GARIN5A: variants seen among roughly 807,000 people sequenced by gnomAD.
GARIN5A encodes the protein golgi associated RAB2 interactor 5A.
chr19:50,472,200 ATG>A, the GARIN5A span, among the ~76,000 whole-genome samples: 1 of 149,642 alleles, frequency 6.7e-6, no homozygotes, highest in South Asian at 2.1e-4. Flanking sequence ...GTATGTGTGC[ATG>A]TATATACATG....
chr19:50,469,833 T>A, the GARIN5A span, among the ~76,000 whole-genome samples: 1 of 152,160 alleles, frequency 6.6e-6, no homozygotes, highest in Non-Finnish European at 1.5e-5. Flanking sequence ...GGATGTCCCC[T>A]GCCACACCGC....
the GARIN5A span, among the ~76,000 whole-genome samples, chr19:50,473,332 C>T: frequency 6.6e-6 from 1 of 152,044 alleles, no homozygotes; most frequent in Non-Finnish European, 1.5e-5. Flanking sequence ...TCCCTTTCTT[C>T]TTTTCTCTGT....
chr19:50,467,779 C>T, the GARIN5A span: 5 of 1,612,592 alleles, frequency 3.1e-6, no homozygotes, highest in Non-Finnish European at 4.2e-6. Context: ...CTCGAGCTGA[C>T]ACCGGCTTTT....
the GARIN5A span, among the ~76,000 whole-genome samples, chr19:50,467,356 T>G: frequency 2.0e-5 from 3 of 151,962 alleles, no homozygotes; most frequent in African/African-American, 7.3e-5. Flanking sequence ...CCCATATCCC[T>G]GGGTCACCTC....
chr19:50,472,142 G>GTGTGTATA, the GARIN5A span, among the ~76,000 whole-genome samples: 52 of 109,370 alleles, frequency 4.8e-4, no homozygotes, highest in South Asian at 1.6e-3. Context: ...GTATATGTAT[G>GTGTGTATA]TATACGTGTG....
the GARIN5A span, chr19:50,476,234 A>G: frequency 1.9e-6 from 3 of 1,613,330 alleles, no homozygotes; most frequent in Non-Finnish European, 2.5e-6. Flanking sequence ...CGGACGGAGG[A>G]GCAGAGGGAG....
the GARIN5A span, among the ~76,000 whole-genome samples, chr19:50,472,016 G>A: frequency 6.7e-6 from 1 of 148,156 alleles, no homozygotes; most frequent in African/African-American, 2.6e-5. Context: ...ATATATACGT[G>A]TGTATATGTA....
the GARIN5A span, among the ~76,000 whole-genome samples, chr19:50,473,785 G>A: frequency 2.0e-5 from 3 of 152,100 alleles, no homozygotes; most frequent in African/African-American, 7.2e-5. Context: ...TCAGGAGTTC[G>A]AGACCAGCCT....
chr19:50,475,697 T>A, the GARIN5A span: 1 of 706,928 alleles, frequency 1.4e-6, no homozygotes, highest in Non-Finnish European at 2.4e-6. Context: ...AAGTATGGGG[T>A]GTCAGAGATC....
chr19:50,476,528 G>A, the GARIN5A span: 5 of 1,570,460 alleles, frequency 3.2e-6, no homozygotes, highest in Non-Finnish European at 4.3e-6. Flanking sequence ...TCCCTTCGCT[G>A]GTGGGAAGAA....
the GARIN5A span, chr19:50,476,314 G>T: frequency 6.3e-7 from 1 of 1,593,708 alleles, no homozygotes; most frequent in Non-Finnish European, 8.6e-7. Flanking sequence ...CGTCACACAA[G>T]AGCGGGCTCC....
chr19:50,468,324 T>C, the GARIN5A span, among the ~76,000 whole-genome samples: 19 of 135,712 alleles, frequency 1.4e-4, no homozygotes, highest in African/African-American at 5.1e-4. Context: ...ATCACGCCAC[T>C]GCACTCCAGC....
chr19:50,476,428 G>A, the GARIN5A span: 1 of 1,548,942 alleles, frequency 6.5e-7, no homozygotes, highest in Admixed American at 1.9e-5. Flanking sequence ...GGGTGCCAGT[G>A]CGCAGGTGCC....
the GARIN5A span, among the ~76,000 whole-genome samples, chr19:50,472,330 T>G: frequency 3.3e-5 from 5 of 149,646 alleles, no homozygotes; most frequent in African/African-American, 1.0e-4. Context: ...TATATATATA[T>G]CTCTCTGTCA....
At chr19:50,471,196 C>T in the GARIN5A span, among the ~76,000 whole-genome samples, 1 of 151,442 alleles carries the variant, frequency 6.6e-6, no homozygotes, top group Non-Finnish European at 1.5e-5. Flanking sequence ...AACTCCTGGG[C>T]TTAAGCAGTC....
At chr19:50,475,215 C>T in the GARIN5A span, 1 of 1,429,682 alleles carries the variant, frequency 7.0e-7, no homozygotes, top group Non-Finnish European at 9.2e-7. Context: ...GCCGGTAGCA[C>T]TGCCAGCTCC....
At chr19:50,474,304 C>T in the GARIN5A span, among the ~76,000 whole-genome samples, 3 of 150,822 alleles carry the variant, frequency 2.0e-5, no homozygotes, top group African/African-American at 4.9e-5. Context: ...CTCAGCCTCC[C>T]GAGTAGCTGG....
the GARIN5A span, chr19:50,476,558 G>A: frequency 1.9e-6 from 3 of 1,574,840 alleles, no homozygotes; most frequent in African/African-American, 4.1e-5. Context: ...GCGGCAGCCA[G>A]CGCTGGGGCA....
chr19:50,467,282 C>T, the GARIN5A span, among the ~76,000 whole-genome samples: 1 of 151,980 alleles, frequency 6.6e-6, no homozygotes, highest in Non-Finnish European at 1.5e-5. Flanking sequence ...AAGTAGGATA[C>T]GACAGCCCCC....
Sources: gnomAD v4.1 joint callset for allele counts (sites outside exome capture counted in the v4.1 genomes callset) on GRCh38, gnomAD v4.1.1 for gene constraint, MANE v1.5 for transcripts, NCBI Gene and HGNC (gene_info 2026-07-23, HGNC 2026-07-21) for gene names.